The following DST variants were observed in gnomAD, a reference collection of about 807,000 sequenced individuals.
DST encodes bullous pemphigoid antigen.
A neutral mutation model predicts 875.2 loss-of-function variants in DST; 253 were observed. The observed-to-expected ratio is 0.29, with a 90% confidence interval of 0.26 to 0.32. DST has a LOEUF of 0.32. Among genes scored for constraint, DST ranks in the 10% least tolerant of loss-of-function variants. The pLI, the probability that DST is intolerant of heterozygous loss-of-function variation, is 1.00. For synonymous variants in DST, 3,124 were observed against 3,197.1 expected (o/e 0.98, Z 0.77); for missense variants, 8,287 against 9,111.6 (o/e 0.91, Z 3.68).
At chr6:56,560,577 T>G (rs926043800) in intron 57 of DST, 154 bp from the exon 58 acceptor site, 8 of 697,624 alleles carry the variant, frequency 1.1e-5, no homozygotes, top group Non-Finnish European at 1.8e-5. Context: ...GCAATTATTT[T>G]CCTTTCCTCT....
chr6:56,862,552 C>A (rs1393321246), intron 3 of DST, among the ~76,000 whole-genome samples: 1 of 152,026 alleles, frequency 6.6e-6, no homozygotes, highest in African/African-American at 2.4e-5. Flanking sequence ...ACTTCATCTT[C>A]ATCTTCATCT....
intron 13 of DST, among the ~76,000 whole-genome samples, chr6:56,646,566 C>A (rs1050853345): frequency 6.6e-6 from 1 of 152,076 alleles, no homozygotes; most frequent in African/African-American, 2.4e-5. Flanking sequence ...TGAAGCAATT[C>A]CCATAAAGAA....
chr6:56,534,990 C>G (rs1399789517), intron 63 of DST, 132 bp downstream of exon 63: 2 of 1,039,046 alleles, frequency 1.9e-6, no homozygotes, highest in African/African-American at 3.3e-5. Flanking sequence ...GAATGACTAA[C>G]AAAATAATGT....
intron 10 of DST, among the ~76,000 whole-genome samples, chr6:56,655,160 C>CAAAAAAAAAAA (rs11365303): frequency 1.7e-5 from 1 of 57,344 alleles, no homozygotes; most frequent in Non-Finnish European, 4.0e-5. Flanking sequence ...GACTTTGCCT[C>CAAAAAAAAAAA]AAAAAAAAAA....
chr6:56,799,892 T>C (rs567126933), intron 4 of DST, among the ~76,000 whole-genome samples: 18 of 152,328 alleles, frequency 1.2e-4, no homozygotes, highest in African/African-American at 4.1e-4. Flanking sequence ...CCCAACATGC[T>C]GGGATTACAG....
At chr6:56,601,854 T>C (rs2098449124) in intron 43 of DST, 178 bp from the exon 44 acceptor site, 1 of 508,654 alleles carries the variant, frequency 2.0e-6, no homozygotes, top group South Asian at 2.8e-5. Flanking sequence ...ATAAATTAAT[T>C]ATTTAAATAC....
At chr6:56,870,826 A>G (rs1776748484) in intron 3 of DST, among the ~76,000 whole-genome samples, 1 of 152,084 alleles carries the variant, frequency 6.6e-6, no homozygotes, top group African/African-American at 2.4e-5. Context: ...ATAGGCAAAA[A>G]CTTCAGGTAT....
intron 2 of DST, 37 bp downstream of exon 2, chr6:56,953,748 T>G (rs1325435215): frequency 7.7e-7 from 1 of 1,302,000 alleles, no homozygotes; most frequent in Non-Finnish European, 1.0e-6. Context: ...GAAAGAGAAC[T>G]TCTTCTGACC....
intron 10 of DST, among the ~76,000 whole-genome samples, chr6:56,653,848 G>A (rs1296592842): frequency 3.9e-5 from 6 of 152,170 alleles, no homozygotes; most frequent in Non-Finnish European, 8.8e-5. Context: ...TGCTGTGTGT[G>A]TCCTGTCCAC....
At chr6:56,573,992 A>G (rs2097822088) in intron 50 of DST, 105 bp from the exon 51 acceptor site, 1 of 792,266 alleles carries the variant, frequency 1.3e-6, no homozygotes, top group Non-Finnish European at 1.9e-6. Flanking sequence ...AAAAAATTTA[A>G]AAAATAAAAA....
Position 56,557,417 on chromosome 6 carries a change from A to G in DST, c.14542T>C (p.Leu4848=), listed in dbSNP as rs754131087. 36 of 1,613,626 alleles carry G rather than the reference A, an allele frequency of 2.2e-5. No homozygotes were observed. In the Middle Eastern group the frequency reaches 6.6e-4, roughly 29 times the overall value. ...LTQFQTVEAQ[L]KQWLVEKELM... ...TCTTTTTCCACAAGCCACTGTTTCA[A>G]TTGGGCCTCTACAGTCTGGAACTGG... is the stretch of plus-strand genomic sequence containing the variant. Residue 4848 remains leucine (L), a synonymous_variant, in exon 59 of 104, where the codon TTG becomes CTG. Transcript: ENST00000680361.
At chr6:56,763,684 T>TACACACACACACACACACACAC (rs553580754) in intron 4 of DST, among the ~76,000 whole-genome samples, 2 of 117,068 alleles carry the variant, frequency 1.7e-5, no homozygotes, top group Non-Finnish European at 3.3e-5. Flanking sequence ...AAAATACCTA[T>TACACACACACACACACACACAC]ACACACACAC....
chr6:56,946,321 G>A (rs1165742511), intron 2 of DST, among the ~76,000 whole-genome samples: 16 of 152,222 alleles, frequency 1.1e-4, no homozygotes. Flanking sequence ...ACCTAAGTGT[G>A]AGTGGTTCTA....
chr6:56,780,720 CTTTAG>C (rs2099691699), intron 4 of DST, among the ~76,000 whole-genome samples: 1 of 150,430 alleles, frequency 6.6e-6, no homozygotes, highest in South Asian at 2.1e-4. Context: ...TGCAGAAGCT[CTTTAG>C]TTTAATTAGA....
Position 56,632,940 on chromosome 6 carries a change from A to C in DST, c.3719T>G (p.Phe1240Cys). 1 of 1,613,972 alleles carries C rather than the reference A, an allele frequency of 6.2e-7. No individual in the cohort carries two copies. Among genetic ancestry groups the C allele is most frequent in the South Asian group, 1.1e-5 (1 of 91,078 alleles). Residue 1240 changes from phenylalanine (F) to cysteine (C), a missense_variant, in exon 28 of 104, where the codon TTT (phenylalanine) becomes TGT (cysteine). By Grantham distance (205) the Phe-to-Cys change is radical. Coordinates refer to ENST00000680361, the MANE Select transcript of DST (RefSeq NM_001374736.1). ...FLEDSQESQVFSGSDITQLEK... is the reference protein window; with the variant it reads ...FLEDSQESQVCSGSDITQLEK... ...CAGTTGTGTTATATCTGAGCCTGAAAAGACTTGGGATTCCTGGCTATCTTC... is the reference window on the plus strand; with the variant it reads ...CAGTTGTGTTATATCTGAGCCTGAACAGACTTGGGATTCCTGGCTATCTTC...
At position 56,619,202 on chromosome 6, in the gene DST, C is replaced by T. The variant is rs201272960; in HGVS notation, c.4930-4718G>A. Reference sequence around the variant, plus strand: ...ATCTGCCTGAATTTTCAGTGCTTCACATCTTTGCTGGATAGTTTGTTTCTC... The same window carrying T: ...ATCTGCCTGAATTTTCAGTGCTTCATATCTTTGCTGGATAGTTTGTTTCTC... On this transcript the variant is annotated intron_variant, in intron 36 of 103. Coordinates refer to ENST00000680361, the MANE Select transcript of DST (RefSeq NM_001374736.1). The T allele has an allele frequency of 5.1e-5, 83 of 1,613,954 alleles. No individual in the cohort carries two copies. Among genetic ancestry groups the T allele is most frequent in the Non-Finnish European group, 3.9e-5 (46 of 1,180,032 alleles).
intron 10 of DST, among the ~76,000 whole-genome samples, chr6:56,667,162 A>G (rs1418012909): frequency 6.6e-6 from 1 of 152,206 alleles, no homozygotes; most frequent in Non-Finnish European, 1.5e-5. Context: ...CTCCTGCCTC[A>G]GCTTCCCAAA....
intron 69 of DST, among the ~76,000 whole-genome samples, chr6:56,522,384 G>T (rs2096723430): frequency 6.6e-6 from 1 of 152,074 alleles, no homozygotes; most frequent in South Asian, 2.1e-4. Flanking sequence ...TACACAATAG[G>T]TTTTAATAGA....
At chr6:56,465,178 T>C (rs532744971) in intron 99 of DST, among the ~76,000 whole-genome samples, 1 of 152,258 alleles carries the variant, frequency 6.6e-6, no homozygotes, top group African/African-American at 2.4e-5. Flanking sequence ...TGGAGAAGCC[T>C]GATGACTGAT....
Sources: gnomAD v4.1 joint callset for allele counts (sites outside exome capture counted in the v4.1 genomes callset) on GRCh38, gnomAD v4.1.1 for gene constraint, MANE v1.5 for transcripts, NCBI Gene and HGNC (gene_info 2026-07-23, HGNC 2026-07-21) for gene names.